TMEM202: variants seen among roughly 807,000 people sequenced by gnomAD.
TMEM202 encodes the protein transmembrane protein 202.
Under a neutral mutation model 26.1 loss-of-function variants are expected in TMEM202, and 25 were observed. The ratio of observed to expected loss-of-function variants is 0.96; its 90% CI spans 0.70 to 1.34. The LOEUF (loss-of-function observed/expected upper bound fraction) is 1.34. Among genes scored for constraint, TMEM202 ranks in the 40% most tolerant of loss-of-function variants. TMEM202 has a pLI of 0.00. For missense variants in TMEM202, 301 were observed against 327.7 expected (o/e 0.92, Z 0.63); for synonymous variants, 122 against 119.0 (o/e 1.02, Z -0.16).
At chr15:72,402,101 G>A (rs191590052) in intron 2 of TMEM202, among the ~76,000 whole-genome samples, 233 of 152,170 alleles carry the variant, frequency 1.5e-3, no homozygotes, top group African/African-American at 5.3e-3. Flanking sequence ...AAGTAGCTGG[G>A]ATTACAGGTG....
intron 2 of TMEM202, among the ~76,000 whole-genome samples, chr15:72,405,014 A>G (rs1001832848): frequency 1.3e-5 from 2 of 152,342 alleles, no homozygotes; most frequent in East Asian, 3.9e-4. Context: ...TTAGGGCTAC[A>G]GAGCAACTTA....
intron 3 of TMEM202, 151 bp downstream of exon 3, chr15:72,406,902 T>C: frequency 5.1e-6 from 6 of 1,171,394 alleles, no homozygotes; most frequent in Admixed American, 2.4e-5. Flanking sequence ...TCTAATTATA[T>C]AGAACACACC....
rs775140036 is a variant in TMEM202 at position 72,407,229 on chromosome 15, C to T, written c.619+12C>T. 1 of 1,612,922 alleles carries T rather than the reference C, an allele frequency of 6.2e-7. No homozygotes were observed. ...TTACATGTTTGCTGGTGAGTCACTT[C>T]CCTGCTCTATGCTAGAAGGATGGAT... On this transcript the variant is annotated intron_variant, in intron 4 of 4. Coordinates refer to ENST00000341689, the MANE Select transcript of TMEM202 (RefSeq NM_001080462.3).
intron 2 of TMEM202, among the ~76,000 whole-genome samples, chr15:72,403,316 T>C (rs941897035): frequency 3.9e-5 from 6 of 152,178 alleles, no homozygotes; most frequent in Non-Finnish European, 5.9e-5. Context: ...ACGAAAATCT[T>C]ACCAAGTTTT....
chr15:72,407,984 A>C lies in TMEM202; in HGVS notation c.*91A>C. 22 of 1,032,120 alleles carry C rather than the reference A, an allele frequency of 2.1e-5. No individual in the cohort carries two copies. Among genetic ancestry groups the C allele is most frequent in the Non-Finnish European group, 3.1e-5 (22 of 699,738 alleles). 63.9% of individuals were successfully genotyped at this position (1,032,120 alleles called of 1,614,324 possible). ...AATTCTGGGAAACTCTCCTAATATC[A>C]TGTCCATATTACTTGAGGAGACAGC... On this transcript the variant is annotated 3_prime_UTR_variant, in exon 5 of 5. Coordinates refer to ENST00000341689, the MANE Select transcript of TMEM202 (RefSeq NM_001080462.3).
rs995180777 is a variant in TMEM202 at position 72,407,656 on chromosome 15, A to G, written c.620-35A>G. On this transcript the variant is annotated intron_variant, in intron 4 of 4. Coordinates refer to ENST00000341689, the MANE Select transcript of TMEM202 (RefSeq NM_001080462.3). Reference sequence around the variant, plus strand: ...TTTAAAAGCCAAAAGACCATTGCCTATTGAACCTCACCTCAAATTATTCCC... The same window carrying G: ...TTTAAAAGCCAAAAGACCATTGCCTGTTGAACCTCACCTCAAATTATTCCC... 5.0e-6 allele frequency: 8 copies of G among 1,595,700 alleles called. No individual in the cohort carries two copies. In the Admixed American group the frequency reaches 1.2e-4, roughly 23 times the overall value.
intron 2 of TMEM202, among the ~76,000 whole-genome samples, chr15:72,400,990 G>GTCATGGCA (rs1181157219): frequency 6.6e-6 from 1 of 152,146 alleles, no homozygotes; most frequent in Admixed American, 6.5e-5. Context: ...TTTGTTAACT[G>GTCATGGCA]TCATGGCACT....
In TMEM202 at chr15:72,407,986, G is replaced by A. The variant is rs2063581902; in HGVS notation, c.*93G>A. 1 of 1,014,754 alleles carries A rather than the reference G, an allele frequency of 9.9e-7. No homozygotes were observed. The highest frequency in any genetic ancestry group is 1.5e-5 in the South Asian group (1 of 65,540). The allele number at this position is 1,014,754 out of a possible 1,614,324, so 62.9% of individuals were successfully genotyped here. A position where few individuals can be genotyped will look rare whatever the true frequency, so the allele number is the denominator to read the frequency against. ...TTCTGGGAAACTCTCCTAATATCAT[G>A]TCCATATTACTTGAGGAGACAGCAT... On this transcript the variant is annotated 3_prime_UTR_variant, in exon 5 of 5. Transcript: ENST00000341689.
chr15:72,398,650 T>C lies in TMEM202; in HGVS notation c.82-3T>C, dbSNP rs2063532930. ...GTAGGCAATATTTCCCTCATCCTTGTAGCCTACCGTCCCTGCCAAGAAACA... is the reference window on the plus strand; with the variant it reads ...GTAGGCAATATTTCCCTCATCCTTGCAGCCTACCGTCCCTGCCAAGAAACA... On this transcript the variant is annotated splice_polypyrimidine_tract_variant and splice_region_variant and intron_variant, in intron 1 of 4. Coordinates refer to ENST00000341689, the MANE Select transcript of TMEM202 (RefSeq NM_001080462.3). The C allele has an allele frequency of 1.2e-6, 2 of 1,613,848 alleles. No homozygotes were observed. Among genetic ancestry groups the C allele is most frequent in the Admixed American group, 1.7e-5 (1 of 59,984 alleles).
chr15:72,398,363 A>G lies in TMEM202; in HGVS notation c.37A>G (p.Ser13Gly), dbSNP rs1172223285. Reference sequence around the variant, plus strand: ...GGAACATTTAACCTTGACTTTCCACAGTCCTGAGGTTCCCAAAATAAAGGG... The same window carrying G: ...GGAACATTTAACCTTGACTTTCCACGGTCCTGAGGTTCCCAAAATAAAGGG... Reference protein sequence around the residue: ...RREHLTLTFHSPEVPKIKGNR... With the variant: ...RREHLTLTFHGPEVPKIKGNR... Residue 13 changes from serine (S) to glycine (G), a missense_variant, in exon 1 of 5, where the codon AGT (serine) becomes GGT (glycine). Transcript: ENST00000341689. 6.2e-7 allele frequency: 1 copy of G among 1,613,330 alleles called. No homozygotes were observed. The highest frequency in any genetic ancestry group is 1.3e-5 in the African/African-American group (1 of 74,918).
intron 2 of TMEM202, among the ~76,000 whole-genome samples, chr15:72,404,207 A>T (rs1375217267): frequency 6.6e-6 from 1 of 152,140 alleles, no homozygotes; most frequent in Non-Finnish European, 1.5e-5. Context: ...TGAGCTCAGG[A>T]GTTTGAGACC....
chr15:72,400,797 C>CA (rs2063543823), intron 2 of TMEM202, among the ~76,000 whole-genome samples: 1 of 152,136 alleles, frequency 6.6e-6, no homozygotes, highest in Non-Finnish European at 1.5e-5. Context: ...ATGGCTACTC[C>CA]ATAGGAAGAG....
chr15:72,401,521 T>C (rs1483457002), intron 2 of TMEM202, among the ~76,000 whole-genome samples: 3 of 152,126 alleles, frequency 2.0e-5, no homozygotes, highest in Non-Finnish European at 4.4e-5. Context: ...CTAGCCTGGG[T>C]GACACAGTGA....
intron 2 of TMEM202, among the ~76,000 whole-genome samples, chr15:72,404,888 T>A (rs182069330): frequency 6.6e-6 from 1 of 152,344 alleles, no homozygotes; most frequent in African/African-American, 2.4e-5. Context: ...CTGGGCTTCA[T>A]ACAGCTCAAT....
intron 4 of TMEM202, among the ~76,000 whole-genome samples, 185 bp downstream of exon 4, chr15:72,407,402 C>T (rs973731764): frequency 1.2e-4 from 18 of 152,116 alleles, no homozygotes; most frequent in Non-Finnish European, 1.3e-4. Flanking sequence ...CATTAGTAAC[C>T]TGCTCTATCA....
intron 2 of TMEM202, among the ~76,000 whole-genome samples, chr15:72,402,208 C>T (rs935274874): frequency 8.5e-5 from 13 of 152,126 alleles, no homozygotes; most frequent in South Asian, 2.1e-4. Context: ...TCAGGTGATC[C>T]GCCTGCCTCG....
Position 72,398,697 on chromosome 15 carries a change from C to A in TMEM202, c.126C>A (p.Cys42Ter), listed in dbSNP as rs1253071322. ...AKKHPSASMS[C>*]QRQQQLMDQA... ...AACATCCAAGTGCCTCGATGTCATG[C>A]CAAAGGCAGCAGCAGCTTATGGATC... is the stretch of plus-strand genomic sequence containing the variant. The change falls in exon 2 of 5, where the codon TGC becomes TGA. Residue 42 changes from cysteine to a stop codon, truncating the protein, a stop_gained. Transcript: ENST00000341689. LOFTEE classifies it high-confidence loss of function. 6.2e-7 allele frequency: 1 copy of A among 1,614,132 alleles called. No individual in the cohort carries two copies. The highest frequency in any genetic ancestry group is 8.5e-7 in the Non-Finnish European group (1 of 1,180,010).
In TMEM202 at chr15:72,407,756, A is replaced by G. The variant is rs753041810; in HGVS notation, c.685A>G (p.Ile229Val). 6.2e-7 allele frequency: 1 copy of G among 1,614,018 alleles called. No individual in the cohort carries two copies. Among genetic ancestry groups the G allele is most frequent in the Non-Finnish European group, 8.5e-7 (1 of 1,179,948 alleles). Residue 229 changes from isoleucine (I) to valine (V), a missense_variant, in exon 5 of 5, where the codon ATT becomes GTT. Physicochemically the swap from Ile to Val is conservative, Grantham distance 29. Coordinates refer to ENST00000341689, the MANE Select transcript of TMEM202 (RefSeq NM_001080462.3). Reference sequence around the variant, plus strand: ...TGCCTGTGATGAAAACGTCACTGTGATTCCAACAGAGAGATCAAGGCTGGG... The same window carrying G: ...TGCCTGTGATGAAAACGTCACTGTGGTTCCAACAGAGAGATCAAGGCTGGG... ...SPACDENVTV[I>V]PTERSRLGVG...
At chr15:72,401,188 C>G (rs112340702) in intron 2 of TMEM202, among the ~76,000 whole-genome samples, 83 of 152,238 alleles carry the variant, frequency 5.5e-4, no homozygotes, top group Non-Finnish European at 7.9e-4. Flanking sequence ...CATTCAGTGA[C>G]TAAGAATGCC....
Sources: gnomAD v4.1 joint callset for allele counts (sites outside exome capture counted in the v4.1 genomes callset) on GRCh38, gnomAD v4.1.1 for gene constraint, MANE v1.5 for transcripts, NCBI Gene and HGNC (gene_info 2026-07-23, HGNC 2026-07-21) for gene names.